EVC: variants seen among roughly 807,000 people sequenced by gnomAD.
The protein encoded by EVC is EvC ciliary complex subunit 1.
Under a neutral mutation model 118.9 loss-of-function variants are expected in EVC, and 116 were observed. That is an observed-to-expected ratio of 0.98 (90% confidence interval 0.84 to 1.14). EVC has a LOEUF of 1.14. Ranked by LOEUF, EVC falls within the 50% of genes most tolerant of loss-of-function variation. The pLI is 0.00. For synonymous variants in EVC, 619 were observed against 534.7 expected (o/e 1.16, Z -2.18); for missense variants, 1,401 against 1,246.4 (o/e 1.12, Z -1.87).
rs1368815507 is a variant in EVC at position 5,738,964 on chromosome 4, A to G, written c.703-2752A>G. ...AATTAAGGTATGTACTTTTTTAGAC[A>G]TACTGCTATTGTACACTTAGACTAC... On this transcript the variant is annotated intron_variant, in intron 5 of 20. Transcript: ENST00000264956. This position sits in a 1 kb window ranked among gnomAD's most constrained non-coding sequence, Gnocchi z 6.5. Among the ~76,000 whole-genome samples, 3 of 152,290 alleles carry G rather than the reference A, an allele frequency of 2.0e-5. No homozygotes were observed. Among genetic ancestry groups the G allele is most frequent in the South Asian group, 2.1e-4 (1 of 4,826 alleles).
At chr4:5,733,275 G>A (rs1727132748) in intron 4 of EVC, 76 bp from the exon 5 acceptor site, 7 of 1,209,706 alleles carry the variant, frequency 5.8e-6, no homozygotes, top group Non-Finnish European at 6.1e-6. Flanking sequence ...TTGTACTGAT[G>A]AGGGACGTGC....
intron 17 of EVC, among the ~76,000 whole-genome samples, chr4:5,806,287 G>A (rs1353646542): frequency 6.6e-6 from 1 of 151,456 alleles, no homozygotes; most frequent in Non-Finnish European, 1.5e-5. Context: ...TTACCATGTT[G>A]GCCAGGCCGG....
At chr4:5,828,200 G>A in the EVC span, 46 of 985,318 alleles carry the variant, frequency 4.7e-5, no homozygotes, top group African/African-American at 7.7e-4. Flanking sequence ...ACGCAGGACA[G>A]CGCCCAGAGC....
intron 11 of EVC, among the ~76,000 whole-genome samples, chr4:5,778,601 A>G (rs962628071): frequency 1.3e-5 from 2 of 151,978 alleles, no homozygotes; most frequent in Non-Finnish European, 1.5e-5. Context: ...GATGGTGAGC[A>G]TTTTTTCATG....
Position 5,812,382 on chromosome 4 carries a change from C to G in EVC, c.*1345C>G. 5.8e-6 allele frequency: 1 copy of G among 171,650 alleles called. No homozygotes were observed. Among genetic ancestry groups the G allele is most frequent in the Non-Finnish European group, 1.2e-5 (1 of 81,498 alleles). 10.6% of individuals were successfully genotyped at this position (171,650 alleles called of 1,614,324 possible). A position where few individuals can be genotyped will look rare whatever the true frequency, so the allele number is the denominator to read the frequency against. On this transcript the variant is annotated 3_prime_UTR_variant, in exon 21 of 21. Transcript: ENST00000264956. ...GGAACTTCCAGACCAGCCCCTCACA[C>G]CACAGCCAGGAGAGGCCTTTCCCGC...
At chr4:5,718,100 TG>T (rs1267540894) in intron 1 of EVC, among the ~76,000 whole-genome samples, 2 of 152,168 alleles carry the variant, frequency 1.3e-5, no homozygotes, top group African/African-American at 4.8e-5. Flanking sequence ...GAGAAGTGTC[TG>T]GGATAACAGA....
intron 1 of EVC, among the ~76,000 whole-genome samples, chr4:5,718,878 T>C (rs1724446521): frequency 6.6e-6 from 1 of 152,238 alleles, no homozygotes; most frequent in African/African-American, 2.4e-5. Context: ...GCATGTGCCA[T>C]TTCTCATGCT....
At position 5,756,352 on chromosome 4, in the gene EVC, C is replaced by T; in HGVS notation, c.1553C>T (p.Ala518Val). ...GTCAGAGCCACCGAGGCTGTGGTTGCACTCTGCCAGGTACATGGCCTCTGT... is the reference window on the plus strand; with the variant it reads ...GTCAGAGCCACCGAGGCTGTGGTTGTACTCTGCCAGGTACATGGCCTCTGT... ...ENVRATEAVV[A>V]LCQELYFSTV... is the part of the protein sequence containing the mutation. Residue 518 changes from alanine to valine, a missense_variant, in exon 11 of 21, where the codon GCA (alanine) becomes GTA (valine). Coordinates refer to ENST00000264956, the MANE Select transcript of EVC (RefSeq NM_153717.3). This position sits in a 1 kb window ranked among gnomAD's most constrained non-coding sequence, Gnocchi z 4.2. The T allele has an allele frequency of 1.9e-6, 3 of 1,609,418 alleles. No homozygotes were observed. The highest frequency in any genetic ancestry group is 1.7e-6 in the Non-Finnish European group (2 of 1,178,212).
the EVC span, chr4:5,828,070 G>C: frequency 1.0e-6 from 1 of 985,432 alleles, no homozygotes; most frequent in Non-Finnish European, 1.2e-6. Context: ...GTAACACCTT[G>C]CTCCACAGGG....
At chr4:5,783,908 C>T in intron 12 of EVC, 144 bp downstream of exon 12, 1 of 763,922 alleles carries the variant, frequency 1.3e-6, no homozygotes. Flanking sequence ...TTCACAATGG[C>T]CCACCACAGG....
intron 12 of EVC, among the ~76,000 whole-genome samples, chr4:5,790,715 A>C (rs1225071169): frequency 6.6e-6 from 1 of 152,210 alleles, no homozygotes; most frequent in Non-Finnish European, 1.5e-5. Context: ...GTGTTCTTTT[A>C]AAAACAGAGG....
intron 15 of EVC, 84 bp from the exon 16 acceptor site, chr4:5,801,866 A>C: frequency 6.7e-7 from 1 of 1,486,718 alleles, no homozygotes; most frequent in African/African-American, 1.4e-5. Context: ...GAACCAGGGC[A>C]TGGGGAGGCA....
At chr4:5,777,851 A>C (rs2035306) in intron 11 of EVC, among the ~76,000 whole-genome samples, 1 of 146,248 alleles carries the variant, frequency 6.8e-6, no homozygotes, top group Non-Finnish European at 1.5e-5. Flanking sequence ...TGTTGTTGTT[A>C]TTATACTTTA....
intron 12 of EVC, among the ~76,000 whole-genome samples, chr4:5,786,795 C>T (rs529680556): frequency 6.6e-6 from 1 of 151,522 alleles, no homozygotes; most frequent in Admixed American, 6.6e-5. Flanking sequence ...TGGCGTGAAC[C>T]CGGGAGGCAG....
intron 17 of EVC, among the ~76,000 whole-genome samples, chr4:5,806,187 C>G (rs1457234758): frequency 6.6e-6 from 1 of 151,984 alleles, no homozygotes; most frequent in East Asian, 1.9e-4. Context: ...TCAAGCGATT[C>G]TCTTGCCTCA....
intron 8 of EVC, 145 bp from the exon 9 acceptor site, chr4:5,752,691 A>T: frequency 1.2e-6 from 1 of 813,814 alleles, no homozygotes; most frequent in Non-Finnish European, 2.1e-6. Flanking sequence ...CATGAAGGAG[A>T]GGGGGAGTTC....
intron 11 of EVC, among the ~76,000 whole-genome samples, chr4:5,780,087 C>T (rs1163550471): frequency 6.6e-6 from 1 of 152,154 alleles, no homozygotes; most frequent in East Asian, 1.9e-4. Context: ...TTTTCTGCAT[C>T]TATTGAGATA....
At chr4:5,800,763 A>G (rs928121360) in intron 15 of EVC, among the ~76,000 whole-genome samples, 1 of 152,162 alleles carries the variant, frequency 6.6e-6, no homozygotes, top group Admixed American at 6.5e-5. Flanking sequence ...CATTGGCAGT[A>G]AGGGATGAGC....
intron 11 of EVC, among the ~76,000 whole-genome samples, chr4:5,763,697 CTGTT>C (rs1237062289): frequency 2.6e-5 from 3 of 114,334 alleles, no homozygotes; most frequent in Middle Eastern, 3.8e-3. Flanking sequence ...ATTTGGCTCT[CTGTT>C]TGTCTGTTGT....
Sources: allele counts gnomAD v4.1 joint callset (sites outside exome capture counted in the v4.1 genomes callset), GRCh38; gene constraint gnomAD v4.1.1; non-coding constraint Gnocchi (gnomAD v3.1); transcripts MANE v1.5; gene names NCBI Gene and HGNC (gene_info 2026-07-23, HGNC 2026-07-21).